DMWD: variants seen among roughly 807,000 people sequenced by gnomAD.
DMWD encodes the protein DM1 locus, WD repeat containing, also known as dystrophia myotonica WD repeat-containing protein.
Under a neutral mutation model 45.8 loss-of-function variants are expected in DMWD, and 19 were observed. The observed-to-expected ratio is 0.41, with a 90% CI of 0.29 to 0.61. The LOEUF (loss-of-function observed/expected upper bound fraction) is 0.61, where lower values mean the gene tolerates loss of function less well. DMWD is among the 20% of genes least tolerant of loss of function. The pLI is 0.25. For missense variants in DMWD, 802 were observed against 965.2 expected (o/e 0.83, Z 2.24); for synonymous variants, 515 against 440.5 (o/e 1.17, Z -2.12).
In DMWD at chr19:45,790,743, C is replaced by T. The variant is rs143742152; in HGVS notation, c.624+162G>A. ...GGTAACACAGCACAGGGCCTGGGTA[C>T]AGTAAAGGCAGCTGTCATTAGCTGC... On this transcript the variant is annotated intron_variant, in intron 2 of 4. Coordinates refer to ENST00000270223, the MANE Select transcript of DMWD (RefSeq NM_004943.2). The T allele has an allele frequency of 3.7e-4, 256 of 693,960 alleles. 1 individual carries two copies. Among genetic ancestry groups the T allele is most frequent in the African/African-American group, 3.7e-3 (205 of 56,082 alleles). The allele number at this position is 693,960 out of a possible 1,614,324, so 43.0% of individuals were successfully genotyped here.
Position 45,786,048 on chromosome 19 carries a change from G to A in DMWD, c.1448C>T (p.Pro483Leu). 2.0e-6 allele frequency: 3 copies of A among 1,531,904 alleles called. No homozygotes were observed. Among genetic ancestry groups the A allele is most frequent in the Non-Finnish European group, 2.6e-6 (3 of 1,138,838 alleles). 94.9% of individuals were successfully genotyped at this position (1,531,904 alleles called of 1,614,324 possible). A position where few individuals can be genotyped will look rare whatever the true frequency, so the allele number is the denominator to read the frequency against. Residue 483 changes from proline to leucine, a missense_variant, in exon 3 of 5, where the codon CCA becomes CTA. This residue lies in a region of DMWD where 303 missense variants were observed against 332.9 expected (regional missense o/e 0.91). Coordinates refer to ENST00000270223, the MANE Select transcript of DMWD (RefSeq NM_004943.2). ...ASSSRGGEPG[P>L]GPLPRSLSRS... ...GGACAGCGAGCGAGGCAGGGGGCCT[G>A]GGCCAGGCTCGCCACCCCTCGAGCT... is the stretch of plus-strand genomic sequence containing the variant.
chr19:45,785,743 G>A lies in DMWD; in HGVS notation c.1753C>T (p.Pro585Ser). The A allele has an allele frequency of 6.2e-7, 1 of 1,608,814 alleles. No individual in the cohort carries two copies. The highest frequency in any genetic ancestry group is 8.5e-7 in the Non-Finnish European group (1 of 1,177,096). Residue 585 changes from proline (P) to serine (S), a missense_variant, in exon 3 of 5, where the codon CCG becomes TCG. Pro to Ser is a moderately conservative substitution (Grantham distance 74). Around this residue, in one of 9 missense-constraint regions of DMWD, gnomAD observed 303 missense variants for 332.9 expected, o/e 0.91. Coordinates refer to ENST00000270223, the MANE Select transcript of DMWD (RefSeq NM_004943.2). ...AGCAGGGGCACCTCGTGGATGCGCG[G>A]GCACAGCGCAGTGCCCAGCACCTTG... Reference protein sequence around the residue: ...PAKVLGTALCPRIHEVPLLEP... With the variant: ...PAKVLGTALCSRIHEVPLLEP...
intron 4 of DMWD, 36 bp from the exon 5 acceptor site, chr19:45,784,326 G>C (rs758331589): frequency 6.7e-7 from 1 of 1,500,316 alleles, no homozygotes; most frequent in Non-Finnish European, 8.9e-7. Context: ...GGAGGGGTTA[G>C]AGACCACCTG....
rs781029143 is a variant in DMWD at position 45,792,432 on chromosome 19, C to T, written c.325G>A (p.Ala109Thr). The T allele has an allele frequency of 6.5e-7, 1 of 1,541,020 alleles. No homozygotes were observed. Among genetic ancestry groups the T allele is most frequent in the African/African-American group, 1.4e-5 (1 of 71,490 alleles). The change falls in exon 1 of 5, where the codon GCC (alanine) becomes ACC (threonine). Residue 109 changes from alanine (A) to threonine (T), a missense_variant. Ala to Thr is a moderately conservative substitution (Grantham distance 58, BLOSUM62 0). Transcript: ENST00000270223. ...GCGGGCGTGGCGGGCGGCTCCCCGGCCCCGGCGCTGTCCGGCTCCCCGAGG... is the reference window on the plus strand; with the variant it reads ...GCGGGCGTGGCGGGCGGCTCCCCGGTCCCGGCGCTGTCCGGCTCCCCGAGG... ...VRLGEPDSAG[A>T]GEPPATPAGL... is the part of the protein sequence containing the mutation.
At chr19:45,790,825 C>T (rs1424152120) in intron 2 of DMWD, 80 bp downstream of exon 2, 7 of 1,500,810 alleles carry the variant, frequency 4.7e-6, no homozygotes, top group Admixed American at 4.1e-5. Context: ...TACACTGTTC[C>T]GCAGGCAGCT....
At position 45,785,784 on chromosome 19, in the gene DMWD, C is replaced by A; in HGVS notation, c.1712G>T (p.Ser571Ile). 1 of 1,611,670 alleles carries A rather than the reference C, an allele frequency of 6.2e-7. No homozygotes were observed. Among genetic ancestry groups the A allele is most frequent in the Admixed American group, 1.7e-5 (1 of 59,900 alleles). ...CAGCACCTTGGCGGGGTCCAGGCGG[C>A]TGCGGGGAACAGGGCCGCTGGGCTT... ...GEKPSGPVPRSRLDPAKVLGT... is the reference protein window; with the variant it reads ...GEKPSGPVPRIRLDPAKVLGT... Residue 571 changes from serine to isoleucine, a missense_variant, in exon 3 of 5, where the codon AGC (serine) becomes ATC (isoleucine). Physicochemically the swap from Ser to Ile is moderately radical, Grantham distance 142. Around this residue, in one of 9 missense-constraint regions of DMWD, gnomAD observed 303 missense variants for 332.9 expected, o/e 0.91. Transcript: ENST00000270223.
In DMWD at chr19:45,792,787, G is replaced by C. The variant is rs1970371743; in HGVS notation, c.-31C>G. 3 of 1,106,392 alleles carry C rather than the reference G, an allele frequency of 2.7e-6. No individual in the cohort carries two copies. The highest frequency in any genetic ancestry group is 3.3e-6 in the Non-Finnish European group (3 of 908,296). The allele number at this position is 1,106,392 out of a possible 1,614,324, so 68.5% of individuals were successfully genotyped here. ...GCGCCCCCCGGGCCCCGCCACTGCC[G>C]GACTGCCGCCCGCAGCCGGGCCCCC... On this transcript the variant is annotated 5_prime_UTR_variant, in exon 1 of 5. Coordinates refer to ENST00000270223, the MANE Select transcript of DMWD (RefSeq NM_004943.2).
chr19:45,789,411 C>G (rs1238682855), intron 2 of DMWD: 1 of 152,232 alleles, frequency 6.6e-6, no homozygotes, highest in South Asian at 2.1e-4. Context: ...CGGATAAGGT[C>G]GTTTACTGGT....
chr19:45,789,129 T>G (rs1970321859), intron 2 of DMWD: 1 of 152,174 alleles, frequency 6.6e-6, no homozygotes, highest in African/African-American at 2.4e-5. Context: ...TTAACTTGAT[T>G]AACTGTCTGT....
chr19:45,785,100 G>A (rs1343893481), intron 3 of DMWD, among the ~76,000 whole-genome samples: 1 of 152,180 alleles, frequency 6.6e-6, no homozygotes, highest in Non-Finnish European at 1.5e-5. Flanking sequence ...AGAGGGAGTG[G>A]GACTGGAACC....
At position 45,784,202 on chromosome 19, in the gene DMWD, G is replaced by A; in HGVS notation, c.*41C>T. The A allele has an allele frequency of 6.4e-7, 1 of 1,553,090 alleles. No individual in the cohort carries two copies. The highest frequency in any genetic ancestry group is 8.8e-7 in the Non-Finnish European group (1 of 1,136,664). ...TCAGCAGGGAGGGTTATGGCTAGGAGGCTGGGGGCATGGGGTTGGGGGGGC... is the reference window on the plus strand; with the variant it reads ...TCAGCAGGGAGGGTTATGGCTAGGAAGCTGGGGGCATGGGGTTGGGGGGGC... On this transcript the variant is annotated 3_prime_UTR_variant, in exon 5 of 5. Transcript: ENST00000270223.
chr19:45,783,621 G>C lies in DMWD; in HGVS notation c.*622C>G. 1 of 398,990 alleles carries C rather than the reference G, an allele frequency of 2.5e-6. No individual in the cohort carries two copies. The highest frequency in any genetic ancestry group is 4.4e-5 in the Admixed American group (1 of 22,740). 24.7% of individuals were successfully genotyped at this position (398,990 alleles called of 1,614,324 possible). ...GCTATGAAAAGGGGTGGGAGGCGCT[G>C]GGCTGGGAGCAGGCCTGCACTCCTC... On this transcript the variant is annotated 3_prime_UTR_variant, in exon 5 of 5. Transcript: ENST00000270223.
At chr19:45,787,052 G>A in intron 2 of DMWD, 181 bp from the exon 3 acceptor site, 1 of 1,131,112 alleles carries the variant, frequency 8.8e-7, no homozygotes, top group Non-Finnish European at 1.2e-6. Flanking sequence ...ATGGACACCA[G>A]GTCATGGAAA....
At position 45,786,749 on chromosome 19, in the gene DMWD, C is replaced by T. The variant is rs756878223; in HGVS notation, c.747G>A (p.Ser249=). The T allele has an allele frequency of 7.4e-6, 12 of 1,614,070 alleles. No individual in the cohort carries two copies. Among genetic ancestry groups the T allele is most frequent in the Non-Finnish European group, 6.8e-6 (8 of 1,180,000 alleles). Residue 249 remains serine (S), a synonymous_variant, in exon 3 of 5, where the codon TCG becomes TCA. Coordinates refer to ENST00000270223, the MANE Select transcript of DMWD (RefSeq NM_004943.2). Reference sequence around the variant, plus strand: ...TCAGCAGGCTGTACTGGGGCGGGGCCGAGGCGCAGGGGTGGCTGACGTTGT... The same window carrying T: ...TCAGCAGGCTGTACTGGGGCGGGGCTGAGGCGCAGGGGTGGCTGACGTTGT... ...YLYNVSHPCA[S]APPQYSLLKQ...
chr19:45,785,661 AG>A lies in DMWD; in HGVS notation c.1834del (p.Leu612TrpfsTer47), dbSNP rs1254947139. 2 of 1,573,778 alleles carry A rather than the reference AG, an allele frequency of 1.3e-6. No homozygotes were observed. Among genetic ancestry groups the A allele is most frequent in the Non-Finnish European group, 1.7e-6 (2 of 1,155,468 alleles). ...GCAGGCAGTGATGATGCAGTCCTCC[AG>A]GAACAGGAGGACTGTGAGCCGCTCC... ...AQERLTVLLF[L>X]EDCIITACQE... On this transcript the variant is annotated frameshift_variant, in exon 3 of 5. Coordinates refer to ENST00000270223, the MANE Select transcript of DMWD (RefSeq NM_004943.2). LOFTEE classifies it high-confidence loss of function.
intron 3 of DMWD, chr19:45,785,286 G>A: frequency 8.6e-7 from 1 of 1,163,720 alleles, no homozygotes; most frequent in Non-Finnish European, 1.1e-6. Flanking sequence ...TCTGGTTCGA[G>A]TGACAGGCAG....
chr19:45,789,040 A>G (rs1006946337), intron 2 of DMWD, among the ~76,000 whole-genome samples: 1 of 152,044 alleles, frequency 6.6e-6, no homozygotes, highest in African/African-American at 2.4e-5. Context: ...CCACCCTACT[A>G]AACTCTCCAA....
rs775197959 is a variant in DMWD at position 45,790,991 on chromosome 19, T to C, written c.538A>G (p.Ile180Val). The change falls in exon 2 of 5, where the codon ATC (isoleucine) becomes GTC (valine). Residue 180 changes from isoleucine to valine, a missense_variant. Transcript: ENST00000270223. Reference sequence around the variant, plus strand: ...GCTGAGAAGCCCACCAGCAGCGAGATGGTCTCGGTGGCAGCAGTGAACTGG... The same window carrying C: ...GCTGAGAAGCCCACCAGCAGCGAGACGGTCTCGGTGGCAGCAGTGAACTGG... ...FNQFTAATETISLLVGFSAGQ... is the reference protein window; with the variant it reads ...FNQFTAATETVSLLVGFSAGQ... 1.9e-6 allele frequency: 3 copies of C among 1,613,862 alleles called. No homozygotes were observed. Among genetic ancestry groups the C allele is most frequent in the Non-Finnish European group, 2.5e-6 (3 of 1,180,002 alleles).
intron 2 of DMWD, among the ~76,000 whole-genome samples, chr19:45,788,873 G>A (rs560733479): frequency 5.3e-5 from 8 of 150,700 alleles, no homozygotes; most frequent in Non-Finnish European, 1.2e-4. Flanking sequence ...AGGTTGCAGT[G>A]AACGAAGATC....
Sources: gnomAD v4.1 joint callset for allele counts (sites outside exome capture counted in the v4.1 genomes callset) on GRCh38, gnomAD v4.1.1 for gene constraint, gnomAD v4.1.1 regional missense constraint, MANE v1.5 for transcripts, NCBI Gene and HGNC (gene_info 2026-07-23, HGNC 2026-07-21) for gene names.